Variants in SPATA3 observed in about 807,000 individuals in gnomAD.
SPATA3 encodes the protein spermatogenesis-associated protein 3.
A neutral mutation model predicts 5.7 loss-of-function variants in SPATA3; 6 were observed. That is an observed-to-expected ratio of 1.06 (90% CI 0.58 to 2.09). The LOEUF (loss-of-function observed/expected upper bound fraction) is 2.09, where lower values mean the gene tolerates loss of function less well. Among genes scored for constraint, SPATA3 ranks in the 30% most tolerant of loss-of-function variants. The probability of loss-of-function intolerance (pLI) is 0.00; values close to 1 mark genes in which losing one functional copy is unlikely to be tolerated. For missense variants in SPATA3, 155 were observed against 130.4 expected (o/e 1.19, Z -0.92); for synonymous variants, 44 against 48.4 (o/e 0.91, Z 0.37).
rs61741617 is a variant in SPATA3 at position 230,996,212 on chromosome 2, G to A, written c.791-4154G>A. ...ATTACGCAGCTCCATGTAGGTCCACGTTTAGGTTGGGAGGATCTACCATGA... is the reference window on the plus strand; with the variant it reads ...ATTACGCAGCTCCATGTAGGTCCACATTTAGGTTGGGAGGATCTACCATGA... On this transcript the variant is annotated intron_variant, in intron 1 of 2. Transcript: ENST00000645363. The A allele has an allele frequency of 7.0e-3, 10,763 of 1,542,786 alleles. 571 individuals carry two copies. In the African/African-American group the frequency reaches 0.12, roughly 18 times the overall value.
downstream of SPATA3, among the ~76,000 whole-genome samples, chr2:231,005,343 TCATCAC>T (rs2125109020): frequency 5.6e-5 from 1 of 18,016 alleles, no homozygotes; most frequent in East Asian, 2.3e-3. Flanking sequence ...ACCATCACCA[TCATCAC>T]CATCACCACC....
At chr2:230,996,524 C>T in intron 1 of SPATA3, 1 of 1,551,754 alleles carries the variant, frequency 6.4e-7, no homozygotes, top group South Asian at 1.2e-5. Flanking sequence ...CCCCTCAATC[C>T]AGGAAAGCAG....
chr2:231,002,652 C>A, intron 2 of SPATA3, 32 bp from the exon 3 acceptor site: 3 of 1,385,368 alleles, frequency 2.2e-6, no homozygotes, highest in Non-Finnish European at 2.9e-6. Flanking sequence ...AGCCCAGCTT[C>A]CCACCACCCC....
downstream of SPATA3, among the ~76,000 whole-genome samples, chr2:231,009,401 C>T (rs1692723680): frequency 6.6e-6 from 1 of 152,228 alleles, no homozygotes; most frequent in Non-Finnish European, 1.5e-5. Flanking sequence ...GAAAACTAGC[C>T]TTCCATCCCC....
downstream of SPATA3, among the ~76,000 whole-genome samples, chr2:231,010,505 A>C (rs979332223): frequency 1.3e-5 from 2 of 152,208 alleles, no homozygotes; most frequent in Non-Finnish European, 2.9e-5. Flanking sequence ...GTTCTTACAC[A>C]AGGCTGGGGG....
chr2:231,003,667 G>C (rs1484581902), downstream of SPATA3, among the ~76,000 whole-genome samples: 2 of 152,158 alleles, frequency 1.3e-5, no homozygotes, highest in African/African-American at 2.4e-5. Context: ...GCTCCCTTTG[G>C]GCTGAGGGTG....
chr2:230,997,294 C>G (rs1326252742), intron 1 of SPATA3, among the ~76,000 whole-genome samples: 1 of 152,210 alleles, frequency 6.6e-6, no homozygotes, highest in Non-Finnish European at 1.5e-5. Context: ...AAACTCTCTT[C>G]TCTTGTCTGC....
downstream of SPATA3, among the ~76,000 whole-genome samples, chr2:231,008,812 A>G (rs1358744636): frequency 6.6e-6 from 1 of 152,186 alleles, no homozygotes; most frequent in Admixed American, 6.5e-5. Context: ...GTCAGGAGAG[A>G]GTTCTGGTTC....
At chr2:231,002,862 G>T (rs1692405979), downstream of SPATA3, 1 of 984,176 alleles carries the variant, frequency 1.0e-6, no homozygotes, top group African/African-American at 1.7e-5. Context: ...GAATGGAGGT[G>T]GTCTCTTCAG....
chr2:231,014,402 C>T (rs1692874658), intron 6 of SPATA3, among the ~76,000 whole-genome samples: 2 of 152,210 alleles, frequency 1.3e-5, no homozygotes, highest in South Asian at 4.1e-4. Flanking sequence ...TGAGGACACC[C>T]TATTCTGTAA....
At chr2:231,014,917 T>C (rs1335127989) in intron 6 of SPATA3, among the ~76,000 whole-genome samples, 9 of 152,178 alleles carry the variant, frequency 5.9e-5, no homozygotes, top group African/African-American at 2.2e-4. Flanking sequence ...CTCAAGGCTC[T>C]CTCTGCCTCT....
Position 231,000,541 on chromosome 2 carries a change from C to T in SPATA3, c.962+4C>T, listed in dbSNP as rs1354544643. 5.3e-6 allele frequency: 8 copies of T among 1,514,570 alleles called. No homozygotes were observed. The highest frequency in any genetic ancestry group is 7.1e-6 in the Non-Finnish European group (8 of 1,124,556). 93.8% of individuals were successfully genotyped at this position (1,514,570 alleles called of 1,614,324 possible). A position where few individuals can be genotyped will look rare whatever the true frequency, so the allele number is the denominator to read the frequency against. On this transcript the variant is annotated splice_donor_region_variant and intron_variant, in intron 2 of 2. Transcript: ENST00000645363. ...CCAACCTGCTCACCTTCTACAGGTTCCAAGCGCGAGGGGCTGGAGCCTCGG... is the reference window on the plus strand; with the variant it reads ...CCAACCTGCTCACCTTCTACAGGTTTCAAGCGCGAGGGGCTGGAGCCTCGG...
At chr2:231,003,249 A>C (rs1335457531), downstream of SPATA3, among the ~76,000 whole-genome samples, 1 of 152,114 alleles carries the variant, frequency 6.6e-6, no homozygotes, top group African/African-American at 2.4e-5. Context: ...CCATCTTCTC[A>C]ACCCCTGTCC....
chr2:231,014,887 G>A (rs148970480), intron 6 of SPATA3, among the ~76,000 whole-genome samples: 4 of 152,292 alleles, frequency 2.6e-5, no homozygotes, highest in East Asian at 3.9e-4. Context: ...TGTAGGTCGG[G>A]TGTTAAGGTG....
chr2:231,013,528 T>C (rs1284860118), intron 5 of SPATA3, among the ~76,000 whole-genome samples: 1 of 152,154 alleles, frequency 6.6e-6, no homozygotes, highest in Non-Finnish European at 1.5e-5. Flanking sequence ...TTCACTCCTG[T>C]TGCCCAGGCT....
chr2:230,998,484 T>C (rs922129090), intron 1 of SPATA3, among the ~76,000 whole-genome samples: 9 of 152,164 alleles, frequency 5.9e-5, no homozygotes, highest in African/African-American at 1.7e-4. Flanking sequence ...ATTTGGCCCA[T>C]TGAACAGGCA....
downstream of SPATA3, among the ~76,000 whole-genome samples, chr2:231,005,441 A>C: frequency 9.2e-6 from 1 of 108,274 alleles, no homozygotes; most frequent in Non-Finnish European, 1.9e-5. Flanking sequence ...CACCACAATC[A>C]CCACCATCAC....
chr2:231,019,133 ATT>A (rs10715003), intron 6 of SPATA3, among the ~76,000 whole-genome samples: 11 of 148,788 alleles, frequency 7.4e-5, no homozygotes, highest in South Asian at 2.1e-4. Flanking sequence ...CGCTTGGCTA[ATT>A]TTTTTTTGTA....
exon 3 of SPATA3, chr2:231,002,768 G>C (rs113102248): frequency 2.0e-6 from 3 of 1,523,048 alleles, no homozygotes; most frequent in Non-Finnish European, 2.6e-6. Flanking sequence ...GGGGCTCTAG[G>C]AGCTGCCTAC....
Sources: gnomAD v4.1 joint callset for allele counts (sites outside exome capture counted in the v4.1 genomes callset) on GRCh38, gnomAD v4.1.1 for gene constraint, MANE v1.5 for transcripts, NCBI Gene and HGNC (gene_info 2026-07-23, HGNC 2026-07-21) for gene names.